The following CD8B variants were observed in gnomAD, a reference collection of about 807,000 sequenced individuals.
CD8B encodes CD8 subunit beta, also known as T-cell surface glycoprotein CD8 beta chain.
Under a neutral mutation model 24.2 loss-of-function variants are expected in CD8B, and 6 were observed. That is an observed-to-expected ratio of 0.25 (90% CI 0.14 to 0.49). The LOEUF (loss-of-function observed/expected upper bound fraction) is 0.49, where lower values mean the gene tolerates loss of function less well. CD8B is among the 20% of genes least tolerant of loss of function. The pLI is 0.98. For synonymous variants in CD8B, 84 were observed against 108.3 expected, an observed-to-expected ratio of 0.78 and a Z score of 1.39; for missense variants, 196 against 271.3, an observed-to-expected ratio of 0.72 and a Z score of 1.95.
intron 2 of CD8B, among the ~76,000 whole-genome samples, chr2:86,857,418 C>T (rs1348867428): frequency 6.6e-6 from 1 of 152,250 alleles, no homozygotes; most frequent in South Asian, 2.1e-4. Context: ...GCCCTGTCCC[C>T]ATAAGAAGAA....
At chr2:86,852,668 A>AT (rs1465844550) in intron 3 of CD8B, among the ~76,000 whole-genome samples, 3 of 152,184 alleles carry the variant, frequency 2.0e-5, no homozygotes, top group Non-Finnish European at 4.4e-5. Flanking sequence ...AATAAGCCAC[A>AT]TTTTGTTAAT....
At chr2:86,828,346 G>A (rs1429370892) in intron 5 of CD8B, among the ~76,000 whole-genome samples, 1 of 151,550 alleles carries the variant, frequency 6.6e-6, no homozygotes, top group Non-Finnish European at 1.5e-5. Flanking sequence ...GTGCGTGTCT[G>A]GACCCACAGA....
In CD8B at chr2:86,852,905, T is replaced by G. The variant is rs563450649; in HGVS notation, c.493+92A>C. ...GGAGATAGGCTCTAGAGTTGACACT[T>G]GGAAAGTGCCTGGGGAAGGAAGGAG... On this transcript the variant is annotated intron_variant, in intron 3 of 5. Transcript: ENST00000390655. 6.8e-5 allele frequency: 96 copies of G among 1,407,802 alleles called. 1 individual carries two copies. The South Asian group carries it at 1.2e-3, about 18-fold the overall frequency. The allele number at this position is 1,407,802 out of a possible 1,614,324, so 87.2% of individuals were successfully genotyped here. A position where few individuals can be genotyped will look rare whatever the true frequency, so the allele number is the denominator to read the frequency against.
Position 86,838,882 on chromosome 2 carries a change from G to T in CD8B, c.*3425C>A, listed in dbSNP as rs531484416. Among the ~76,000 whole-genome samples the T allele has an allele frequency of 6.6e-6, 1 of 152,178 alleles. No individual in the cohort carries two copies. The highest frequency in any genetic ancestry group is 1.5e-5 in the Non-Finnish European group (1 of 68,048). ...TTGGATTTTAAAAAGTCTCTTTCTT[G>T]AAGTATAATTTACATCTATATCCAT... On this transcript the variant is annotated 3_prime_UTR_variant, in exon 6 of 6. Coordinates refer to ENST00000390655, the MANE Select transcript of CD8B (RefSeq NM_004931.5).
chr2:86,855,420 A>T (rs1365294205), intron 2 of CD8B, among the ~76,000 whole-genome samples: 9 of 152,186 alleles, frequency 5.9e-5, no homozygotes, highest in Admixed American at 5.2e-4. Context: ...TCCCCATTTT[A>T]TCCAGGAGGA....
At chr2:86,823,929 G>C (rs1247720161) in intron 5 of CD8B, among the ~76,000 whole-genome samples, 3 of 152,058 alleles carry the variant, frequency 2.0e-5, no homozygotes, top group Non-Finnish European at 2.9e-5. Context: ...GAGGAGCCCT[G>C]GGGGGTCCAG....
rs527966253 is a variant in CD8B, at chr2:86,847,768, G to A, written c.494-995C>T. On this transcript the variant is annotated intron_variant, in intron 3 of 5. Transcript: ENST00000390655. ...TTTAGTAGAGACGGGGTTTCACCACGTTGGCCAGGATGGTCTCAATCTCCT... is the reference window on the plus strand; with the variant it reads ...TTTAGTAGAGACGGGGTTTCACCACATTGGCCAGGATGGTCTCAATCTCCT... Among the ~76,000 whole-genome samples the A allele has an allele frequency of 8.6e-4, 131 of 152,258 alleles. 1 individual carries two copies. Among genetic ancestry groups the A allele is most frequent in the African/African-American group, 3.1e-3 (129 of 41,544 alleles).
At chr2:86,829,849 CAT>C (rs756296443) in intron 5 of CD8B, among the ~76,000 whole-genome samples, 55 of 143,410 alleles carry the variant, frequency 3.8e-4, no homozygotes, top group Non-Finnish European at 6.5e-4. Context: ...ACATTTAACA[CAT>C]GTTTCTTACA....
At chr2:86,847,036 C>T (rs1270180635) in intron 3 of CD8B, among the ~76,000 whole-genome samples, 1 of 137,580 alleles carries the variant, frequency 7.3e-6, no homozygotes, top group Non-Finnish European at 1.5e-5. Context: ...CTCCTGGGTT[C>T]AAGGGATTCT....
intron 5 of CD8B, among the ~76,000 whole-genome samples, chr2:86,828,722 A>T (rs2104510510): frequency 6.6e-6 from 1 of 152,342 alleles, no homozygotes; most frequent in East Asian, 1.9e-4. Flanking sequence ...AACACAGAAA[A>T]GCAAAGAGAA....
In CD8B at chr2:86,841,611, G is replaced by T. The variant is rs1244789512; in HGVS notation, c.*696C>A. The T allele has an allele frequency of 1.0e-6, 1 of 984,116 alleles. No individual in the cohort carries two copies. The highest frequency in any genetic ancestry group is 1.2e-6 in the Non-Finnish European group (1 of 828,830). The allele number at this position is 984,116 out of a possible 1,614,324, so 61.0% of individuals were successfully genotyped here. ...TTATCTTTAACCTGGGACTTTATTT[G>T]TACAACTAAGACATTTGTATAAAAC... On this transcript the variant is annotated 3_prime_UTR_variant, in exon 6 of 6. Coordinates refer to ENST00000390655, the MANE Select transcript of CD8B (RefSeq NM_004931.5).
intron 1 of CD8B, among the ~76,000 whole-genome samples, chr2:86,860,075 G>C (rs1573531451): frequency 6.6e-6 from 1 of 152,134 alleles, no homozygotes; most frequent in East Asian, 1.9e-4. Context: ...ATCGAGACCA[G>C]CCTGGGCAAC....
At chr2:86,829,471 G>C (rs544990715) in intron 5 of CD8B, among the ~76,000 whole-genome samples, 9 of 152,046 alleles carry the variant, frequency 5.9e-5, no homozygotes, top group South Asian at 2.1e-4. Context: ...GAGTCAGGCT[G>C]GGGGGAGTCA....
chr2:86,837,307 TGTAA>T (rs749654478), downstream of CD8B, among the ~76,000 whole-genome samples: 13 of 152,268 alleles, frequency 8.5e-5, no homozygotes, highest in Non-Finnish European at 1.3e-4. Flanking sequence ...CTGTGGAGGT[TGTAA>T]GTGTCTTTTT....
intron 5 of CD8B, among the ~76,000 whole-genome samples, chr2:86,844,026 A>G (rs1489120556): frequency 6.6e-6 from 1 of 152,228 alleles, no homozygotes; most frequent in African/African-American, 2.4e-5. Context: ...AATTAACTGG[A>G]TAGGCAGATG....
At chr2:86,823,887 G>C (rs1188709751) in intron 5 of CD8B, among the ~76,000 whole-genome samples, 1 of 152,128 alleles carries the variant, frequency 6.6e-6, no homozygotes, top group Non-Finnish European at 1.5e-5. Context: ...ATGTTTGTAG[G>C]ATGATGGGGA....
rs139740563 is a variant in CD8B, at chr2:86,858,235, G to A, written c.225C>T (p.Ser75=). ...CTTCACCGTGGATAGTCCCTTTTGC[G>A]GAATCCCAGAGGGCCAGGAACTCGT... is the stretch of plus-strand genomic sequence containing the variant. ...SHHEFLALWD[S]AKGTIHGEEV... Residue 75 remains serine (S), a synonymous_variant, in exon 2 of 6, where the codon TCC becomes TCT. Transcript: ENST00000390655. 1.2e-4 allele frequency: 191 copies of A among 1,613,770 alleles called. No homozygotes were observed. The highest frequency in any genetic ancestry group is 1.0e-3 in the Admixed American group (61 of 59,986).
At chr2:86,833,022 C>T (rs1191477698) in intron 5 of CD8B, 1 of 389,434 alleles carries the variant, frequency 2.6e-6, no homozygotes, top group Non-Finnish European at 5.1e-6. Context: ...TCCCTCTTTC[C>T]CCTCCACCCT....
chr2:86,831,213 C>G (rs1674894012), intron 5 of CD8B, among the ~76,000 whole-genome samples: 1 of 152,152 alleles, frequency 6.6e-6, no homozygotes, highest in African/African-American at 2.4e-5. Flanking sequence ...GGATTATAGG[C>G]ACCTGCCATC....
Sources: allele counts gnomAD v4.1 joint callset (sites outside exome capture counted in the v4.1 genomes callset), GRCh38; gene constraint gnomAD v4.1.1; transcripts MANE v1.5; gene names NCBI Gene and HGNC (gene_info 2026-07-23, HGNC 2026-07-21).